Variants in TRMT9B observed in about 807,000 individuals in gnomAD.
TRMT9B encodes tRNA methyltransferase 9B (putative), also known as probable tRNA methyltransferase 9B.
TRMT9B carries 16 observed loss-of-function variants against 11.5 expected under a neutral mutation model. That is an observed-to-expected ratio of 1.39 (90% CI 0.94 to 2.11). The LOEUF is 2.11. TRMT9B is among the 30% of genes most tolerant of loss of function. TRMT9B has a pLI of 0.00. For synonymous variants in TRMT9B, 274 were observed against 192.4 expected (o/e 1.42, Z -3.51); for missense variants, 941 against 553.8 (o/e 1.70, Z -7.02).
chr8:12,972,870 A>G (rs985135745), intron 1 of TRMT9B, among the ~76,000 whole-genome samples: 4 of 152,222 alleles, frequency 2.6e-5, no homozygotes, highest in African/African-American at 9.7e-5. Flanking sequence ...TTTTAATTAT[A>G]TAACTCAGGG....
chr8:13,013,442 C>A (rs1812035884), intron 4 of TRMT9B, among the ~76,000 whole-genome samples: 1 of 152,102 alleles, frequency 6.6e-6, no homozygotes, highest in Admixed American at 6.6e-5. Flanking sequence ...ATCCTCCCAA[C>A]AAGTGTGACC....
intron 2 of TRMT9B, among the ~76,000 whole-genome samples, chr8:13,000,707 A>G (rs1228277627): frequency 4.6e-5 from 7 of 152,210 alleles, no homozygotes; most frequent in Non-Finnish European, 4.4e-5. Context: ...AAGTAGCAAT[A>G]AAGGTAAGAT....
intron 1 of TRMT9B, among the ~76,000 whole-genome samples, chr8:12,946,242 G>C (rs952775089): frequency 2.0e-5 from 3 of 152,048 alleles, no homozygotes; most frequent in Non-Finnish European, 2.9e-5. Flanking sequence ...CTTTTTGTCT[G>C]GAATTATCTT....
chr8:13,001,631 G>C (rs1205729290), intron 2 of TRMT9B, among the ~76,000 whole-genome samples: 1 of 152,180 alleles, frequency 6.6e-6, no homozygotes, highest in African/African-American at 2.4e-5. Context: ...AAAAAGACAA[G>C]AGGTGTTTAA....
At position 13,021,205 on chromosome 8, in the gene TRMT9B, G is replaced by C. The variant is rs1364594293; in HGVS notation, c.526G>C (p.Gly176Arg). 1.2e-6 allele frequency: 2 copies of C among 1,613,816 alleles called. No homozygotes were observed. Among genetic ancestry groups the C allele is most frequent in the East Asian group, 2.2e-5 (1 of 44,878 alleles). Reference protein sequence around the residue: ...SQLFSESSQSGRKRQCGYPER... With the variant: ...SQLFSESSQSRRKRQCGYPER... ...GCTCTTCTCAGAGTCCAGCCAGTCTGGGAGGAAGAGGCAGTGTGGATACCC... is the reference window on the plus strand; with the variant it reads ...GCTCTTCTCAGAGTCCAGCCAGTCTCGGAGGAAGAGGCAGTGTGGATACCC... Residue 176 changes from glycine to arginine, a missense_variant, in exon 5 of 5, where the codon GGG (glycine) becomes CGG (arginine). Gly to Arg is a moderately radical substitution (Grantham distance 125, BLOSUM62 -2). Coordinates refer to ENST00000524591, the MANE Select transcript of TRMT9B (RefSeq NM_020844.3).
At chr8:12,989,078 A>T (rs952106690) in intron 1 of TRMT9B, among the ~76,000 whole-genome samples, 12 of 150,856 alleles carry the variant, frequency 8.0e-5, no homozygotes, top group African/African-American at 2.9e-4. Flanking sequence ...TAATACAGAA[A>T]TTTTTTTTTT....
chr8:13,023,725 A>G lies in TRMT9B; in HGVS notation c.*1681A>G, dbSNP rs1814300230. On this transcript the variant is annotated 3_prime_UTR_variant, in exon 5 of 5. Transcript: ENST00000524591. ...TGTTTTATTTTTTCCACTAAAAGTG[A>G]CTAAAATAATAACGAATTTCATTTG... is the stretch of plus-strand genomic sequence containing the variant. 6.0e-6 allele frequency: 1 copy of G among 166,950 alleles called. No individual in the cohort carries two copies. Among genetic ancestry groups the G allele is most frequent in the Non-Finnish European group, 1.5e-5 (1 of 68,120 alleles). The allele number at this position is 166,950 out of a possible 1,614,324, so 10.3% of individuals were successfully genotyped here.
In TRMT9B at chr8:13,028,248, G is replaced by A. The variant is rs1471584052; in HGVS notation, c.*6204G>A. Reference sequence around the variant, plus strand: ...TTATTTGGGAGGGATTGGAGCTATAGAATAATCTATCTTACCAATCTGATG... The same window carrying A: ...TTATTTGGGAGGGATTGGAGCTATAAAATAATCTATCTTACCAATCTGATG... On this transcript the variant is annotated 3_prime_UTR_variant, in exon 5 of 5. Transcript: ENST00000524591. The A allele has an allele frequency of 6.0e-6, 1 of 167,034 alleles. No individual in the cohort carries two copies. Among genetic ancestry groups the A allele is most frequent in the Non-Finnish European group, 1.5e-5 (1 of 68,124 alleles). 10.3% of individuals were successfully genotyped at this position (167,034 alleles called of 1,614,324 possible).
rs369317486 is a variant in TRMT9B, at chr8:13,021,990, G to T, written c.1311G>T (p.Gly437=). ...NVSELRILSS[G]NDHGNWCIIA... ...CAGAGCTCCGTATCCTGAGTTCTGG[G>T]AATGATCATGGTAACTGGTGTATCA... The change falls in exon 5 of 5, where the codon GGG becomes GGT. Residue 437 remains glycine (G), a synonymous_variant. Coordinates refer to ENST00000524591, the MANE Select transcript of TRMT9B (RefSeq NM_020844.3). 2.5e-6 allele frequency: 4 copies of T among 1,612,546 alleles called. No homozygotes were observed. In the African/African-American group the frequency reaches 5.3e-5, roughly 22 times the overall value.
chr8:13,022,984 A>AAAC lies in TRMT9B; in HGVS notation c.*942_*943insCAA, dbSNP rs1814194707. 6.1e-6 allele frequency: 1 copy of AAAC among 163,228 alleles called. No homozygotes were observed. Among genetic ancestry groups the AAAC allele is most frequent in the South Asian group, 2.1e-4 (1 of 4,816 alleles). 10.1% of individuals were successfully genotyped at this position (163,228 alleles called of 1,614,324 possible). ...GGCAACATAGCAAGACTCTGTCTCA[A>AAAC]AATAATAATAATAATAATAATAAAG... On this transcript the variant is annotated 3_prime_UTR_variant, in exon 5 of 5. Transcript: ENST00000524591.
rs558180743 is a variant in TRMT9B, at chr8:12,990,812, G to C, written c.-199-22G>C. ...TACATACCATGTGAAATGACATTTA[G>C]TATTTGTTTTCTTCCTGATAGGGCC... On this transcript the variant is annotated intron_variant, in intron 1 of 4. Transcript: ENST00000524591. 2.6e-5 allele frequency: 33 copies of C among 1,281,768 alleles called. No individual in the cohort carries two copies. In the African/African-American group the frequency reaches 4.6e-4, roughly 18 times the overall value. The allele number at this position is 1,281,768 out of a possible 1,614,324, so 79.4% of individuals were successfully genotyped here. A position where few individuals can be genotyped will look rare whatever the true frequency, so the allele number is the denominator to read the frequency against.
chr8:13,029,707 T>C lies in TRMT9B; in HGVS notation c.*7663T>C, dbSNP rs1323811569. ...TTTAATAATAGATTATCTTTAATGG[T>C]TATTAAAAGAATGTTATTGACCAAA... On this transcript the variant is annotated 3_prime_UTR_variant, in exon 5 of 5. Transcript: ENST00000524591. The C allele has an allele frequency of 6.5e-6, 1 of 153,470 alleles. No individual in the cohort carries two copies. The highest frequency in any genetic ancestry group is 1.9e-4 in the East Asian group (1 of 5,204). The allele number at this position is 153,470 out of a possible 1,614,324, so 9.5% of individuals were successfully genotyped here. A position where few individuals can be genotyped will look rare whatever the true frequency, so the allele number is the denominator to read the frequency against.
intron 2 of TRMT9B, among the ~76,000 whole-genome samples, chr8:13,000,134 C>G (rs542712630): frequency 1.9e-4 from 29 of 152,232 alleles, no homozygotes; most frequent in African/African-American, 7.0e-4. Context: ...GCCTCCAGGA[C>G]AAGGAACATT....
rs1044905106 is a variant in TRMT9B, at chr8:13,025,725, A to G, written c.*3681A>G. Reference sequence around the variant, plus strand: ...GATATGACACCAGCATATCAAAGTAACTAACAAACTAGCTACACAAACGTC... The same window carrying G: ...GATATGACACCAGCATATCAAAGTAGCTAACAAACTAGCTACACAAACGTC... On this transcript the variant is annotated 3_prime_UTR_variant, in exon 5 of 5. Transcript: ENST00000524591. 2 of 167,026 alleles carry G rather than the reference A, an allele frequency of 1.2e-5. No homozygotes were observed. The highest frequency in any genetic ancestry group is 2.9e-5 in the Non-Finnish European group (2 of 68,118). The allele number at this position is 167,026 out of a possible 1,614,324, so 10.3% of individuals were successfully genotyped here. A position where few individuals can be genotyped will look rare whatever the true frequency, so the allele number is the denominator to read the frequency against.
At chr8:12,946,404 T>G (rs1800266242) in intron 1 of TRMT9B, among the ~76,000 whole-genome samples, 1 of 152,088 alleles carries the variant, frequency 6.6e-6, no homozygotes, top group African/African-American at 2.4e-5. Flanking sequence ...TACAAAATTG[T>G]CAGACGGTGG....
rs560120697 is a variant in TRMT9B at position 13,000,085 on chromosome 8, A to T, written c.-1-6117A>T. Among the ~76,000 whole-genome samples, 3 of 152,234 alleles carry T rather than the reference A, an allele frequency of 2.0e-5. No homozygotes were observed. In the East Asian group the frequency reaches 5.8e-4, roughly 29 times the overall value. ...GGTGGGTGGGATTAGAATACCCATG[A>T]TATCTCTCCATCAAGAGTTCTGAGG... On this transcript the variant is annotated intron_variant, in intron 2 of 4. Coordinates refer to ENST00000524591, the MANE Select transcript of TRMT9B (RefSeq NM_020844.3).
At chr8:12,994,455 T>C (rs545417615) in intron 2 of TRMT9B, among the ~76,000 whole-genome samples, 1 of 152,338 alleles carries the variant, frequency 6.6e-6, no homozygotes, top group East Asian at 1.9e-4. Context: ...CTTTTCTCTT[T>C]CTCCCTTTCC....
chr8:12,961,417 T>C (rs907209367), intron 1 of TRMT9B, among the ~76,000 whole-genome samples: 4 of 151,780 alleles, frequency 2.6e-5, no homozygotes, highest in African/African-American at 9.7e-5. Context: ...AAACATTACC[T>C]TCGGCCGGGC....
At chr8:12,956,142 CTG>C (rs1267369602) in intron 1 of TRMT9B, among the ~76,000 whole-genome samples, 11 of 152,174 alleles carry the variant, frequency 7.2e-5, no homozygotes, top group Non-Finnish European at 1.6e-4. Flanking sequence ...GCAAGGGACT[CTG>C]GGAAATGCAG....
Sources: allele counts gnomAD v4.1 joint callset (sites outside exome capture counted in the v4.1 genomes callset), GRCh38; gene constraint gnomAD v4.1.1; transcripts MANE v1.5; gene names NCBI Gene and HGNC (gene_info 2026-07-23, HGNC 2026-07-21).